The following FOXRED1 variants were observed in gnomAD, a reference collection of about 807,000 sequenced individuals.
FOXRED1 encodes the protein FAD dependent oxidoreductase domain containing 1.
FOXRED1 carries 52 observed loss-of-function variants against 57.8 expected under a neutral mutation model. The observed-to-expected ratio is 0.90, with a 90% CI of 0.72 to 1.13. The LOEUF (loss-of-function observed/expected upper bound fraction) is 1.13. Among genes scored for constraint, FOXRED1 ranks in the 50% most tolerant of loss-of-function variants. The pLI is 0.00. For missense variants in FOXRED1, 589 were observed against 625.2 expected (o/e 0.94, Z 0.62); for synonymous variants, 271 against 248.3 (o/e 1.09, Z -0.86).
In FOXRED1 at chr11:126,277,061, C is replaced by T. The variant is rs935576222; in HGVS notation, c.1102-10C>T. 2 of 1,568,902 alleles carry T rather than the reference C, an allele frequency of 1.3e-6. No homozygotes were observed. Among genetic ancestry groups the T allele is most frequent in the African/African-American group, 2.7e-5 (2 of 74,104 alleles). ...GGCAATGTAAGCGTTGTCCCCACCTCTCACTCCAGCAGGAAGAACCGGACC... is the reference window on the plus strand; with the variant it reads ...GGCAATGTAAGCGTTGTCCCCACCTTTCACTCCAGCAGGAAGAACCGGACC... On this transcript the variant is annotated splice_polypyrimidine_tract_variant and intron_variant, in intron 9 of 10. Coordinates refer to ENST00000263578, the MANE Select transcript of FOXRED1 (RefSeq NM_017547.4). The surrounding 1 kb of genome is among the most constrained non-coding windows in gnomAD (Gnocchi z 6.8).
intron 1 of FOXRED1, 122 bp downstream of exon 1, chr11:126,269,413 G>C (rs747074565): frequency 2.5e-6 from 4 of 1,576,776 alleles, no homozygotes; most frequent in Admixed American, 1.9e-5. Context: ...CTTGGGGAAG[G>C]GGGTTAGCTT....
In FOXRED1 at chr11:126,277,648, T is replaced by A; in HGVS notation, c.1420T>A (p.Phe474Ile). Residue 474 changes from phenylalanine (F) to isoleucine (I), a missense_variant, in exon 11 of 11, where the codon TTT (phenylalanine) becomes ATT (isoleucine). By Grantham distance (21) the Phe-to-Ile change is conservative. Coordinates refer to ENST00000263578, the MANE Select transcript of FOXRED1 (RefSeq NM_017547.4). This position sits in a 1 kb window ranked among gnomAD's most constrained non-coding sequence, Gnocchi z 6.8. ...IDLSPFLFTR[F>I]YLGEKIQENN... is the part of the protein sequence containing the mutation. ...CCTGAGCCCCTTCCTCTTTACCCGC[T>A]TTTACTTGGGAGAGAAGATCCAGGA... is the stretch of plus-strand genomic sequence containing the variant. The A allele has an allele frequency of 2.5e-6, 4 of 1,613,688 alleles. No individual in the cohort carries two copies. The highest frequency in any genetic ancestry group is 1.6e-4 in the Middle Eastern group (1 of 6,062).
rs1312291744 is a variant in FOXRED1 at position 126,271,848 on chromosome 11, G to A, written c.306+191G>A. The A allele has an allele frequency of 1.6e-6, 1 of 620,772 alleles. No individual in the cohort carries two copies. The highest frequency in any genetic ancestry group is 2.4e-5 in the Admixed American group (1 of 41,524). 38.5% of individuals were successfully genotyped at this position (620,772 alleles called of 1,614,324 possible). A position where few individuals can be genotyped will look rare whatever the true frequency, so the allele number is the denominator to read the frequency against. Reference sequence around the variant, plus strand: ...TTCCTCAGTCGAACCAGGAAGCTTGGCAATAAGGTTTGTTCTTTTGAAAGC... The same window carrying A: ...TTCCTCAGTCGAACCAGGAAGCTTGACAATAAGGTTTGTTCTTTTGAAAGC... On this transcript the variant is annotated intron_variant, in intron 2 of 10. Transcript: ENST00000263578. The surrounding 1 kb of genome is among the most constrained non-coding windows in gnomAD (Gnocchi z 5.3).
At position 126,273,268 on chromosome 11, in the gene FOXRED1, A is replaced by C. The variant is rs1233756078; in HGVS notation, c.418-68A>C. The C allele has an allele frequency of 8.0e-7, 1 of 1,246,966 alleles. No individual in the cohort carries two copies. Among genetic ancestry groups the C allele is most frequent in the Non-Finnish European group, 1.2e-6 (1 of 845,118 alleles). The allele number at this position is 1,246,966 out of a possible 1,614,324, so 77.2% of individuals were successfully genotyped here. A position where few individuals can be genotyped will look rare whatever the true frequency, so the allele number is the denominator to read the frequency against. On this transcript the variant is annotated intron_variant, in intron 3 of 10. Transcript: ENST00000263578. The surrounding 1 kb of genome is among the most constrained non-coding windows in gnomAD (Gnocchi z 5.9). The stretch of plus-strand genomic sequence containing the variant: ...ACTGAGCCTGGGGAGCTGTGGGGGA[A>C]GAAGGCAGGAAAACTCTTTCTGGCA...
chr11:126,275,317 C>G lies in FOXRED1; in HGVS notation c.632-10C>G. 1 of 1,596,004 alleles carries G rather than the reference C, an allele frequency of 6.3e-7. No individual in the cohort carries two copies. Among genetic ancestry groups the G allele is most frequent in the Non-Finnish European group, 8.6e-7 (1 of 1,163,586 alleles). On this transcript the variant is annotated splice_polypyrimidine_tract_variant and intron_variant, in intron 5 of 10. Coordinates refer to ENST00000263578, the MANE Select transcript of FOXRED1 (RefSeq NM_017547.4). The surrounding 1 kb of genome is among the most constrained non-coding windows in gnomAD (Gnocchi z 5.9). ...ATCCCTCTTTGTGAGTTCTCTTTTT[C>G]TTATCACAGGGATGGAGGACGAAGG...
In FOXRED1 at chr11:126,272,781, G is replaced by A; in HGVS notation, c.307-188G>A. On this transcript the variant is annotated intron_variant, in intron 2 of 10. Coordinates refer to ENST00000263578, the MANE Select transcript of FOXRED1 (RefSeq NM_017547.4). The surrounding 1 kb of genome is among the most constrained non-coding windows in gnomAD (Gnocchi z 4.6). ...CCAGATGACTGACCCTCTCTGCTCT[G>A]CACATCCACTACTAATGATTTTAAA... 2 of 656,836 alleles carry A rather than the reference G, an allele frequency of 3.0e-6. No individual in the cohort carries two copies. The highest frequency in any genetic ancestry group is 2.8e-6 in the Non-Finnish European group (1 of 361,654). The allele number at this position is 656,836 out of a possible 1,614,324, so 40.7% of individuals were successfully genotyped here.
In FOXRED1 at chr11:126,276,171, C is replaced by G; in HGVS notation, c.923C>G (p.Pro308Arg). The G allele has an allele frequency of 1.2e-6, 2 of 1,609,396 alleles. No individual in the cohort carries two copies. The highest frequency in any genetic ancestry group is 1.7e-6 in the Non-Finnish European group (2 of 1,178,822). Reference sequence around the variant, plus strand: ...GCACTGGCTGGTGTTGGAGAGGGGCCGCCTGGCACCCTGCAGGGCACCAAG... The same window carrying G: ...GCACTGGCTGGTGTTGGAGAGGGGCGGCCTGGCACCCTGCAGGGCACCAAG... ...IAALAGVGEG[P>R]PGTLQGTKLP... The change falls in exon 8 of 11, where the codon CCG becomes CGG. Residue 308 changes from proline (P) to arginine (R), a missense_variant. Coordinates refer to ENST00000263578, the MANE Select transcript of FOXRED1 (RefSeq NM_017547.4).
rs766922221 is a variant in FOXRED1 at position 126,277,645 on chromosome 11, C to T, written c.1417C>T (p.Arg473Cys). ...CGACCTGAGCCCCTTCCTCTTTACC[C>T]GCTTTTACTTGGGAGAGAAGATCCA... ...TIDLSPFLFT[R>C]FYLGEKIQEN... Residue 473 changes from arginine to cysteine, a missense_variant, in exon 11 of 11, where the codon CGC becomes TGC. By Grantham distance (180) the Arg-to-Cys change is radical. Transcript: ENST00000263578. The surrounding 1 kb of genome is among the most constrained non-coding windows in gnomAD (Gnocchi z 6.8). 29 of 1,613,660 alleles carry T rather than the reference C, an allele frequency of 1.8e-5. No individual in the cohort carries two copies. Among genetic ancestry groups the T allele is most frequent in the East Asian group, 6.7e-5 (3 of 44,894 alleles).
At position 126,271,345 on chromosome 11, in the gene FOXRED1, G is replaced by T; in HGVS notation, c.86-92G>T. The T allele has an allele frequency of 1.1e-6, 1 of 926,360 alleles. No homozygotes were observed. 57.4% of individuals were successfully genotyped at this position (926,360 alleles called of 1,614,324 possible). A position where few individuals can be genotyped will look rare whatever the true frequency, so the allele number is the denominator to read the frequency against. On this transcript the variant is annotated intron_variant, in intron 1 of 10. Coordinates refer to ENST00000263578, the MANE Select transcript of FOXRED1 (RefSeq NM_017547.4). This position sits in a 1 kb window ranked among gnomAD's most constrained non-coding sequence, Gnocchi z 5.3. ...GTGGGGACTGCCAACTCATGTGTCT[G>T]TTTAGCTCACCTTTTCCTGTGCCCA...
intron 7 of FOXRED1, 44 bp from the exon 8 acceptor site, chr11:126,276,015 G>A (rs1951118410): frequency 5.0e-6 from 8 of 1,611,876 alleles, no homozygotes; most frequent in Non-Finnish European, 6.8e-6. Context: ...GGTGCCTGGT[G>A]TGTGGTCCGG....
At position 126,273,730 on chromosome 11, in the gene FOXRED1, G is replaced by T. The variant is rs577415861; in HGVS notation, c.536+276G>T. 1.5e-5 allele frequency: 7 copies of T among 465,168 alleles called. No individual in the cohort carries two copies. The East Asian group carries it at 3.0e-4, about 20-fold the overall frequency. 28.8% of individuals were successfully genotyped at this position (465,168 alleles called of 1,614,324 possible). A position where few individuals can be genotyped will look rare whatever the true frequency, so the allele number is the denominator to read the frequency against. The stretch of plus-strand genomic sequence containing the variant: ...TAATAAACCAGAATCTCTAGGGAAG[G>T]AGCCCACAAATCTGGGTTTTTAACA... On this transcript the variant is annotated intron_variant, in intron 4 of 10. Coordinates refer to ENST00000263578, the MANE Select transcript of FOXRED1 (RefSeq NM_017547.4). This position sits in a 1 kb window ranked among gnomAD's most constrained non-coding sequence, Gnocchi z 5.9.
Position 126,273,650 on chromosome 11 carries a change from G to T in FOXRED1, c.536+196G>T. Reference sequence around the variant, plus strand: ...ACCACAGATATGGACAAAACACTGCGAGGTGCTTCCTAATTTGTCAGATCA... The same window carrying T: ...ACCACAGATATGGACAAAACACTGCTAGGTGCTTCCTAATTTGTCAGATCA... On this transcript the variant is annotated intron_variant, in intron 4 of 10. Coordinates refer to ENST00000263578, the MANE Select transcript of FOXRED1 (RefSeq NM_017547.4). This position sits in a 1 kb window ranked among gnomAD's most constrained non-coding sequence, Gnocchi z 5.9. 8.1e-6 allele frequency: 5 copies of T among 617,476 alleles called. No individual in the cohort carries two copies. In the South Asian group the frequency reaches 8.7e-5, roughly 11 times the overall value. The allele number at this position is 617,476 out of a possible 1,614,324, so 38.2% of individuals were successfully genotyped here. A position where few individuals can be genotyped will look rare whatever the true frequency, so the allele number is the denominator to read the frequency against.
Position 126,276,424 on chromosome 11 carries a change from A to T in FOXRED1, c.1002A>T (p.Gly334=). 6.7e-7 allele frequency: 1 copy of T among 1,499,308 alleles called. No individual in the cohort carries two copies. The highest frequency in any genetic ancestry group is 1.5e-5 in the African/African-American group (1 of 67,336). The allele number at this position is 1,499,308 out of a possible 1,614,324, so 92.9% of individuals were successfully genotyped here. ...TGTATGTGTGGCACTGCCCCCAGGG[A>T]CCAGGCCTAGAGACTCCGCTTGTTG... ...RYVYVWHCPQ[G]PGLETPLVAD... Residue 334 remains glycine, a synonymous_variant, in exon 9 of 11, where the codon GGA becomes GGT. Transcript: ENST00000263578.
intron 1 of FOXRED1, 31 bp downstream of exon 1, chr11:126,269,322 G>T: frequency 6.2e-7 from 1 of 1,614,066 alleles, no homozygotes; most frequent in Non-Finnish European, 8.5e-7. Context: ...GGGTATTGTG[G>T]TTCTGGGTTG....
At chr11:126,269,400 C>A in intron 1 of FOXRED1, 109 bp downstream of exon 1, 1 of 1,594,430 alleles carries the variant, frequency 6.3e-7, no homozygotes, top group Non-Finnish European at 8.5e-7. Flanking sequence ...GACAGTGGGT[C>A]GGCTTGGGGA....
In FOXRED1 at chr11:126,271,656, C is replaced by T. The variant is rs77785510; in HGVS notation, c.305C>T (p.Thr102Met). 176 of 1,611,596 alleles carry T rather than the reference C, an allele frequency of 1.1e-4. No homozygotes were observed. The East Asian group carries it at 3.2e-3, about 29-fold the overall frequency. The part of the protein sequence containing the change: ...IRVLVVERDH[T>M]YSQASTGLSV... ...GTGCTAGTGGTGGAACGGGACCACA[C>T]GGTGAGGTCTGGGGTAGGGCAGAGT... Residue 102 changes from threonine to methionine, a missense_variant and splice_region_variant, in exon 2 of 11, where the codon ACG (threonine) becomes ATG (methionine). Transcript: ENST00000263578. This position sits in a 1 kb window ranked among gnomAD's most constrained non-coding sequence, Gnocchi z 5.3.
At position 126,272,976 on chromosome 11, in the gene FOXRED1, A is replaced by G. The variant is rs769554446; in HGVS notation, c.314A>G (p.Gln105Arg). The G allele has an allele frequency of 6.5e-6, 10 of 1,544,014 alleles. No individual in the cohort carries two copies. In the East Asian group the frequency reaches 2.0e-4, roughly 31 times the overall value. The change falls in exon 3 of 11, where the codon CAG becomes CGG. Residue 105 changes from glutamine (Q) to arginine (R), a missense_variant. Coordinates refer to ENST00000263578, the MANE Select transcript of FOXRED1 (RefSeq NM_017547.4). The surrounding 1 kb of genome is among the most constrained non-coding windows in gnomAD (Gnocchi z 4.6). ...TTTCTTGTCTTTCCACAGTATTCAC[A>G]GGCCTCCACTGGGCTCTCAGTAGGT... ...LVVERDHTYS[Q>R]ASTGLSVGGI...
In FOXRED1 at chr11:126,277,878, G is replaced by C. The variant is rs1951201108; in HGVS notation, c.*189G>C. The C allele has an allele frequency of 1.4e-6, 1 of 707,888 alleles. No individual in the cohort carries two copies. 43.9% of individuals were successfully genotyped at this position (707,888 alleles called of 1,614,324 possible). On this transcript the variant is annotated 3_prime_UTR_variant, in exon 11 of 11. Coordinates refer to ENST00000263578, the MANE Select transcript of FOXRED1 (RefSeq NM_017547.4). The surrounding 1 kb of genome is among the most constrained non-coding windows in gnomAD (Gnocchi z 6.8). ...GCAGTGAGGCCGAGGCCAATAGCGA[G>C]TGATGAGCGGGATCCTAGGACTGAT...
In FOXRED1 at chr11:126,271,193, T is replaced by A; in HGVS notation, c.86-244T>A. The A allele has an allele frequency of 2.0e-6, 1 of 506,892 alleles. No homozygotes were observed. The highest frequency in any genetic ancestry group is 2.0e-5 in the South Asian group (1 of 49,932). 31.4% of individuals were successfully genotyped at this position (506,892 alleles called of 1,614,324 possible). The stretch of plus-strand genomic sequence containing the variant: ...TCTATGCAGGAGGTAATGTAGAAAA[T>A]TAATTTTAGGAAATTGAATCTTGCA... On this transcript the variant is annotated intron_variant, in intron 1 of 10. Transcript: ENST00000263578. This position sits in a 1 kb window ranked among gnomAD's most constrained non-coding sequence, Gnocchi z 5.3.
Sources: allele counts gnomAD v4.1 joint callset, GRCh38; gene constraint gnomAD v4.1.1; non-coding constraint Gnocchi (gnomAD v3.1); transcripts MANE v1.5; gene names NCBI Gene and HGNC (gene_info 2026-07-23, HGNC 2026-07-21).